The following CTNNA2 variants were observed in gnomAD, a reference collection of about 807,000 sequenced individuals.
The protein encoded by CTNNA2 is catenin alpha-2.
In CTNNA2, 42 loss-of-function variants were observed where a neutral mutation model predicts 101.0. The observed-to-expected ratio is 0.42, with a 90% CI of 0.32 to 0.54. CTNNA2 has a LOEUF of 0.54. CTNNA2 is among the 20% of genes least tolerant of loss of function. The pLI is 0.14. For synonymous variants in CTNNA2, 450 were observed against 456.4 expected (o/e 0.99, Z 0.18); for missense variants, 871 against 1,223.1 (o/e 0.71, Z 4.29).
chr2:79,265,841 C>T (rs1674980076), intron 2 of CTNNA2, among the ~76,000 whole-genome samples: 1 of 151,956 alleles, frequency 6.6e-6, no homozygotes, highest in African/African-American at 2.4e-5. Flanking sequence ...GAGATTCTTG[C>T]AGAAAAAAAT....
intron 7 of CTNNA2, among the ~76,000 whole-genome samples, chr2:80,255,822 G>A (rs556796383): frequency 6.6e-6 from 1 of 152,276 alleles, no homozygotes; most frequent in Admixed American, 6.5e-5. Context: ...TATGAACTCT[G>A]TTGGCTTCAC....
rs369382486 is a variant in CTNNA2, at chr2:79,909,573, G to A, written c.853-21G>A. 2,233 of 1,574,482 alleles carry A rather than the reference G, an allele frequency of 1.4e-3. 1 individual carries two copies. The highest frequency in any genetic ancestry group is 1.9e-3 in the Non-Finnish European group (2,130 of 1,149,156). ...CTCTCTTCTCTGCTGATTTTTGTGTGTGTGTGTGTGATACTTTCAGAATAA... is the reference window on the plus strand; with the variant it reads ...CTCTCTTCTCTGCTGATTTTTGTGTATGTGTGTGTGATACTTTCAGAATAA... On this transcript the variant is annotated intron_variant, in intron 6 of 18. Coordinates refer to ENST00000402739, the MANE Select transcript of CTNNA2 (RefSeq NM_001282597.3).
At chr2:80,163,683 A>G (rs1450033443) in intron 7 of CTNNA2, among the ~76,000 whole-genome samples, 1 of 152,044 alleles carries the variant, frequency 6.6e-6, no homozygotes, top group East Asian at 1.9e-4. Context: ...TTTGTTTTTC[A>G]GTCTAGTTGC....
chr2:80,208,115 T>C (rs1707643643), intron 7 of CTNNA2, among the ~76,000 whole-genome samples: 1 of 152,210 alleles, frequency 6.6e-6, no homozygotes, highest in Non-Finnish European at 1.5e-5. Flanking sequence ...GCTAGGGTAC[T>C]TTGCCAAGGT....
At chr2:80,100,719 C>G (rs1700489259) in intron 7 of CTNNA2, among the ~76,000 whole-genome samples, 1 of 152,174 alleles carries the variant, frequency 6.6e-6, no homozygotes, top group Non-Finnish European at 1.5e-5. Context: ...ACATTTTAGG[C>G]TGTTTATGGC....
intron 7 of CTNNA2, among the ~76,000 whole-genome samples, chr2:80,131,929 A>G (rs1702438808): frequency 6.6e-6 from 1 of 151,990 alleles, no homozygotes; most frequent in South Asian, 2.1e-4. Flanking sequence ...AAAAATACAA[A>G]AATTAGCCAG....
At chr2:79,312,514 G>C (rs1676399425) in intron 2 of CTNNA2, among the ~76,000 whole-genome samples, 1 of 152,106 alleles carries the variant, frequency 6.6e-6, no homozygotes, top group Admixed American at 6.6e-5. Context: ...GCACCTGTTA[G>C]GTATTAGATT....
intron 7 of CTNNA2, among the ~76,000 whole-genome samples, chr2:80,205,477 T>A (rs1432578796): frequency 1.3e-5 from 2 of 152,208 alleles, no homozygotes; most frequent in Non-Finnish European, 2.9e-5. Flanking sequence ...TTTATTTAGA[T>A]TAAAGGAAAT....
intron 7 of CTNNA2, among the ~76,000 whole-genome samples, chr2:80,184,541 T>G (rs1315224480): frequency 2.0e-5 from 3 of 152,166 alleles, no homozygotes; most frequent in Non-Finnish European, 4.4e-5. Flanking sequence ...TGAAATATAA[T>G]TTTAATACTG....
At chr2:79,906,933 C>G (rs2104308163) in intron 6 of CTNNA2, among the ~76,000 whole-genome samples, 1 of 152,292 alleles carries the variant, frequency 6.6e-6, no homozygotes, top group African/African-American at 2.4e-5. Flanking sequence ...AACATTATAT[C>G]TCTAAGCTCA....
chr2:80,100,660 C>T (rs1028512292), intron 7 of CTNNA2, among the ~76,000 whole-genome samples: 5 of 152,180 alleles, frequency 3.3e-5, no homozygotes, highest in African/African-American at 7.2e-5. Flanking sequence ...TTGAAACACC[C>T]GGCATAGTGC....
At chr2:80,386,348 C>A (rs1358815859) in intron 7 of CTNNA2, among the ~76,000 whole-genome samples, 3 of 152,116 alleles carry the variant, frequency 2.0e-5, no homozygotes, top group Non-Finnish European at 4.4e-5. Flanking sequence ...CTGCCTGTTT[C>A]TTTTCCAAGA....
intron 18 of CTNNA2, among the ~76,000 whole-genome samples, chr2:80,620,572 G>A (rs1197183077): frequency 6.6e-6 from 1 of 151,904 alleles, no homozygotes; most frequent in Non-Finnish European, 1.5e-5. Flanking sequence ...CTGGCCAATA[G>A]GAAGATTTTG....
intron 1 of CTNNA2, among the ~76,000 whole-genome samples, chr2:79,521,262 G>A (rs1373306635): frequency 6.6e-6 from 1 of 151,282 alleles, no homozygotes. Flanking sequence ...AAATGCAGAG[G>A]ATGGGAGACA....
intron 1 of CTNNA2, among the ~76,000 whole-genome samples, chr2:79,540,990 C>T (rs1001943790): frequency 6.6e-6 from 1 of 151,976 alleles, no homozygotes; most frequent in African/African-American, 2.4e-5. Flanking sequence ...TTGTGTTGAT[C>T]AAATTGTTTT....
intron 1 of CTNNA2, among the ~76,000 whole-genome samples, chr2:79,639,963 AAGAG>A (rs927536090): frequency 7.6e-5 from 11 of 143,974 alleles, no homozygotes; most frequent in South Asian, 2.2e-4. Flanking sequence ...TGTGTGTGTG[AAGAG>A]AGAGAGAGAG....
chr2:79,991,357 C>T (rs1692164739), intron 7 of CTNNA2, among the ~76,000 whole-genome samples: 1 of 152,014 alleles, frequency 6.6e-6, no homozygotes, highest in Non-Finnish European at 1.5e-5. Flanking sequence ...TACCACCTCC[C>T]CCTTTTTTTT....
At chr2:80,471,515 C>A (rs1306840524) in intron 9 of CTNNA2, among the ~76,000 whole-genome samples, 1 of 152,116 alleles carries the variant, frequency 6.6e-6, no homozygotes, top group African/African-American at 2.4e-5. Context: ...GAGATTCATT[C>A]TGTTTAGAGG....
chr2:80,244,022 A>G (rs140335920), intron 7 of CTNNA2, among the ~76,000 whole-genome samples: 391 of 152,306 alleles, frequency 2.6e-3, no homozygotes, highest in African/African-American at 9.0e-3. Flanking sequence ...GCCACACATC[A>G]AAGAGTCAAG....
Sources: allele counts gnomAD v4.1 joint callset (sites outside exome capture counted in the v4.1 genomes callset), GRCh38; gene constraint gnomAD v4.1.1; transcripts MANE v1.5; gene names NCBI Gene and HGNC (gene_info 2026-07-23, HGNC 2026-07-21).